Variants in GPR158 observed in about 807,000 individuals in gnomAD.
GPR158 encodes the protein metabotropic glycine receptor.
In GPR158, 30 loss-of-function variants were observed where a neutral mutation model predicts 78.2. The observed-to-expected ratio is 0.38, with a 90% CI of 0.29 to 0.52. The LOEUF (loss-of-function observed/expected upper bound fraction) is 0.52, where lower values mean the gene tolerates loss of function less well. Ranked by LOEUF, GPR158 falls within the 20% of genes least tolerant of loss-of-function variation. GPR158 has a pLI of 0.83. For missense variants in GPR158, 1,463 were observed against 1,523.5 expected, an observed-to-expected ratio of 0.96 and a Z score of 0.66; for synonymous variants, 581 against 591.1, an observed-to-expected ratio of 0.98 and a Z score of 0.25.
intron 4 of GPR158, among the ~76,000 whole-genome samples, chr10:25,414,216 G>A (rs1369356983): frequency 6.6e-6 from 1 of 152,134 alleles, no homozygotes; most frequent in Non-Finnish European, 1.5e-5. Context: ...AGATAGTTCT[G>A]ACAAGACCAG....
chr10:25,254,660 G>A (rs1336721755), intron 2 of GPR158, among the ~76,000 whole-genome samples: 13 of 152,048 alleles, frequency 8.5e-5, no homozygotes, highest in Non-Finnish European at 1.5e-5. Flanking sequence ...ACAAAGTTCA[G>A]GAAGATAAAT....
chr10:25,323,371 C>T (rs569409947), intron 2 of GPR158, among the ~76,000 whole-genome samples: 38 of 152,302 alleles, frequency 2.5e-4, no homozygotes, highest in Middle Eastern at 6.8e-3. Context: ...GCAAGAGACT[C>T]ACTCAGCCTG....
rs891027575 is a variant in GPR158, at chr10:25,209,456, G to GT, written c.903-11585dup. On this transcript the variant is annotated intron_variant, in intron 1 of 10. Coordinates refer to ENST00000376351, the MANE Select transcript of GPR158 (RefSeq NM_020752.3). The stretch of plus-strand genomic sequence containing the variant: ...ATGAGTAAATTGTATCTTTACTTCT[G>GT]TTTTTTTTTTTCTTCCCACTAAACC... 8.7e-4 allele frequency among the ~76,000 whole-genome samples: 126 copies of GT among 145,062 alleles called. No individual in the cohort carries two copies. The Middle Eastern group carries it at 0.011, about 13-fold the overall frequency.
rs561851877 is a variant in GPR158, at chr10:25,501,740, G to T, written c.1404+35021G>T. On this transcript the variant is annotated intron_variant, in intron 5 of 10. Coordinates refer to ENST00000376351, the MANE Select transcript of GPR158 (RefSeq NM_020752.3). ...ACCTGCAAACTGGGTTGATGAGGGT[G>T]CTGGACAATATCTCATAAATTATCC... 3.9e-5 allele frequency among the ~76,000 whole-genome samples: 6 copies of T among 152,274 alleles called. No homozygotes were observed. The South Asian group carries it at 1.0e-3, about 26-fold the overall frequency.
At chr10:25,522,099 G>A (rs951718861) in intron 5 of GPR158, among the ~76,000 whole-genome samples, 7 of 152,198 alleles carry the variant, frequency 4.6e-5, no homozygotes. Context: ...TAATTCTGGT[G>A]TAGCCAGTTG....
rs976042472 is a variant in GPR158, at chr10:25,184,914, C to T, written c.902+8592C>T. ...TTTCCTCTTATTTGATGCCTCAGAC[C>T]GCTATGCTGAACAAGGTTTCTCAAC... On this transcript the variant is annotated intron_variant, in intron 1 of 10. Coordinates refer to ENST00000376351, the MANE Select transcript of GPR158 (RefSeq NM_020752.3). 3.3e-5 allele frequency among the ~76,000 whole-genome samples: 5 copies of T among 152,132 alleles called. 1 individual carries two copies. The highest frequency in any genetic ancestry group is 4.1e-4 in the South Asian group (2 of 4,830).
At chr10:25,206,196 C>T (rs1409295593) in intron 1 of GPR158, among the ~76,000 whole-genome samples, 1 of 152,042 alleles carries the variant, frequency 6.6e-6, no homozygotes, top group Admixed American at 6.6e-5. Flanking sequence ...ACCGTGTTAG[C>T]CAGGATGGTC....
chr10:25,440,138 T>G (rs1383654778), intron 4 of GPR158, among the ~76,000 whole-genome samples: 1 of 152,214 alleles, frequency 6.6e-6, no homozygotes, highest in African/African-American at 2.4e-5. Context: ...TCCCCTGGGA[T>G]TTCACTTTAA....
chr10:25,372,449 G>T (rs2130551908), intron 2 of GPR158, among the ~76,000 whole-genome samples: 1 of 143,902 alleles, frequency 6.9e-6, no homozygotes, highest in South Asian at 2.3e-4. Flanking sequence ...CAAAGACTTG[G>T]AACCAACCCA....
At chr10:25,429,810 A>G (rs546560821) in intron 4 of GPR158, among the ~76,000 whole-genome samples, 12 of 142,888 alleles carry the variant, frequency 8.4e-5, no homozygotes, top group Admixed American at 4.2e-4. Flanking sequence ...AAATTCAACA[A>G]CCGTTCATGC....
At position 25,487,564 on chromosome 10, in the gene GPR158, G is replaced by A. The variant is rs375269828; in HGVS notation, c.1404+20845G>A. Reference sequence around the variant, plus strand: ...AGGATGTGGATAGTGGAGCCAGACTGTAACTGCCTCTTACGAGCTTTGTGA... The same window carrying A: ...AGGATGTGGATAGTGGAGCCAGACTATAACTGCCTCTTACGAGCTTTGTGA... On this transcript the variant is annotated intron_variant, in intron 5 of 10. Transcript: ENST00000376351. 7.9e-4 allele frequency among the ~76,000 whole-genome samples: 120 copies of A among 152,234 alleles called. 3 individuals are homozygous for A. The South Asian group carries it at 0.024, about 30-fold the overall frequency.
At chr10:25,249,055 G>A (rs1307363310) in intron 2 of GPR158, among the ~76,000 whole-genome samples, 24 of 151,768 alleles carry the variant, frequency 1.6e-4, no homozygotes. Flanking sequence ...GGATTCCTTG[G>A]TATTTTATTC....
chr10:25,358,007 A>C (rs990197670), intron 2 of GPR158, among the ~76,000 whole-genome samples: 24 of 152,104 alleles, frequency 1.6e-4, no homozygotes, highest in Non-Finnish European at 1.0e-4. Context: ...TCTTGCATCA[A>C]CATGACCTGC....
In GPR158 at chr10:25,562,024, A is replaced by ATTT. The variant is rs34320289; in HGVS notation, c.1515-10609_1515-10607dup. Among the ~76,000 whole-genome samples, 70 of 140,796 alleles carry ATTT rather than the reference A, an allele frequency of 5.0e-4. 3 individuals carry two copies. In the South Asian group the frequency reaches 0.012, roughly 24 times the overall value. 92.4% of individuals were successfully genotyped at this position (140,796 alleles called of 152,430 possible). ...GCAATGTTCAGGAGGATGCAGAAGAATTTTTTTTTTTTTTTTTTGCAAGAA... is the reference window on the plus strand; with the variant it reads ...GCAATGTTCAGGAGGATGCAGAAGAATTTTTTTTTTTTTTTTTTTTTGCAAGAA... On this transcript the variant is annotated intron_variant, in intron 6 of 10. Coordinates refer to ENST00000376351, the MANE Select transcript of GPR158 (RefSeq NM_020752.3).
At chr10:25,351,424 T>G (rs1855468510) in intron 2 of GPR158, among the ~76,000 whole-genome samples, 1 of 130,422 alleles carries the variant, frequency 7.7e-6, no homozygotes, top group African/African-American at 3.9e-5. Context: ...GGAACTGGAG[T>G]TGGGGGTGGG....
intron 4 of GPR158, among the ~76,000 whole-genome samples, chr10:25,459,858 ATCTGGCTG>A: frequency 6.6e-6 from 1 of 152,224 alleles, no homozygotes; most frequent in Non-Finnish European, 1.5e-5. Flanking sequence ...TGGGTTTGAT[ATCTGGCTG>A]TTATAAACCT....
chr10:25,516,667 G>A (rs1836178624), intron 5 of GPR158, among the ~76,000 whole-genome samples: 1 of 115,162 alleles, frequency 8.7e-6, no homozygotes, highest in Non-Finnish European at 1.7e-5. Flanking sequence ...GTTTGTCAAA[G>A]ATCAGATAGT....
At chr10:25,273,570 A>G (rs1854145231) in intron 2 of GPR158, among the ~76,000 whole-genome samples, 1 of 152,202 alleles carries the variant, frequency 6.6e-6, no homozygotes, top group Admixed American at 6.5e-5. Context: ...AAGTCTGGGT[A>G]GGCAGTCTAC....
chr10:25,434,445 ATAT>A (rs1834969388), intron 4 of GPR158, among the ~76,000 whole-genome samples: 1 of 152,216 alleles, frequency 6.6e-6, no homozygotes, highest in Non-Finnish European at 1.5e-5. Flanking sequence ...TATTTGAAAA[ATAT>A]TATGAGACAT....
Sources: gnomAD v4.1 joint callset for allele counts (sites outside exome capture counted in the v4.1 genomes callset) on GRCh38, gnomAD v4.1.1 for gene constraint, MANE v1.5 for transcripts, NCBI Gene and HGNC (gene_info 2026-07-23, HGNC 2026-07-21) for gene names.